Variants in TENM4 observed in about 807,000 individuals in gnomAD.
TENM4 encodes the protein teneurin-4.
TENM4 carries 82 observed loss-of-function variants against 243.3 expected under a neutral mutation model. The ratio of observed to expected loss-of-function variants is 0.34; its 90% CI spans 0.28 to 0.40. The LOEUF is 0.40. TENM4 is among the 10% of genes least tolerant of loss of function. The pLI, the probability that TENM4 is intolerant of heterozygous loss-of-function variation, is 1.00. For synonymous variants in TENM4, 1,412 were observed against 1,456.3 expected (o/e 0.97, Z 0.69); for missense variants, 3,138 against 3,673.3 (o/e 0.85, Z 3.77).
At chr11:79,260,352 A>G (rs950215299) in intron 2 of TENM4, among the ~76,000 whole-genome samples, 1 of 152,212 alleles carries the variant, frequency 6.6e-6, no homozygotes, top group Non-Finnish European at 1.5e-5. Flanking sequence ...ACATCTTATC[A>G]GCAGTATAGT....
intron 12 of TENM4, among the ~76,000 whole-genome samples, chr11:78,819,600 C>T (rs1036464571): frequency 3.9e-5 from 6 of 152,232 alleles, no homozygotes; most frequent in African/African-American, 7.2e-5. Flanking sequence ...TGTGGACGTG[C>T]GAGCTTGATG....
At chr11:79,080,639 A>G (rs986356101) in intron 4 of TENM4, among the ~76,000 whole-genome samples, 6 of 152,192 alleles carry the variant, frequency 3.9e-5, no homozygotes, top group Non-Finnish European at 7.3e-5. Context: ...ACTCAGTCCC[A>G]TGTGGCTTTC....
intron 1 of TENM4, among the ~76,000 whole-genome samples, chr11:79,347,089 C>T (rs1038376156): frequency 3.9e-5 from 6 of 152,316 alleles, no homozygotes; most frequent in Non-Finnish European, 7.3e-5. Context: ...ACTGTTCTTT[C>T]GCTTCCAAAA....
intron 20 of TENM4, among the ~76,000 whole-genome samples, chr11:78,733,129 G>A (rs1372398028): frequency 6.6e-6 from 1 of 152,196 alleles, no homozygotes; most frequent in African/African-American, 2.4e-5. Flanking sequence ...AATTGTGATA[G>A]ATTACTCAAC....
chr11:79,286,647 C>G (rs749897123), intron 2 of TENM4, among the ~76,000 whole-genome samples: 2 of 151,728 alleles, frequency 1.3e-5, no homozygotes, highest in African/African-American at 4.8e-5. Flanking sequence ...CCAGCCTGGG[C>G]AACAAGAGCG....
intron 1 of TENM4, among the ~76,000 whole-genome samples, chr11:79,334,889 T>A (rs1857123167): frequency 6.6e-6 from 1 of 152,080 alleles, no homozygotes; most frequent in Admixed American, 6.5e-5. Context: ...GATTAGTCAG[T>A]GATGTCACCA....
intron 15 of TENM4, among the ~76,000 whole-genome samples, chr11:78,788,259 T>C (rs1251963639): frequency 1.3e-5 from 2 of 152,214 alleles, no homozygotes; most frequent in African/African-American, 4.8e-5. Flanking sequence ...TACAAGACAA[T>C]GAATAAAATG....
At chr11:78,870,740 C>A (rs966307801) in intron 9 of TENM4, among the ~76,000 whole-genome samples, 7 of 152,042 alleles carry the variant, frequency 4.6e-5, no homozygotes, top group African/African-American at 1.7e-4. Context: ...GGAGTTGGTC[C>A]CGAGCCAGAG....
At chr11:79,069,500 G>A (rs959816401) in intron 5 of TENM4, among the ~76,000 whole-genome samples, 7 of 152,218 alleles carry the variant, frequency 4.6e-5, no homozygotes, top group Non-Finnish European at 7.3e-5. Context: ...TGCCAGGGAA[G>A]TGGGTGAGCG....
Position 78,769,383 on chromosome 11 carries a change from C to G in TENM4, c.2539+1609G>C, listed in dbSNP as rs151091476. Among the ~76,000 whole-genome samples, 122 of 152,298 alleles carry G rather than the reference C, an allele frequency of 8.0e-4. 2 individuals are homozygous for G. The highest frequency in any genetic ancestry group is 2.7e-3 in the African/African-American group (112 of 41,560). ...CCTTTCCGGGAAACCGCTACCCATC[C>G]AAGTGTCACCTTCTGATGAATGCTT... On this transcript the variant is annotated intron_variant, in intron 18 of 33. Transcript: ENST00000278550.
In TENM4 at chr11:78,826,295, C is replaced by T. The variant is rs999967206; in HGVS notation, c.1682-11900G>A. Reference sequence around the variant, plus strand: ...AGAGACGGTGTTTCACCATGTTGGTCAGGCTGGTCTTGAACTCCTGACCTT... The same window carrying T: ...AGAGACGGTGTTTCACCATGTTGGTTAGGCTGGTCTTGAACTCCTGACCTT... On this transcript the variant is annotated intron_variant, in intron 12 of 33. Coordinates refer to ENST00000278550, the MANE Select transcript of TENM4 (RefSeq NM_001098816.3). 3.3e-5 allele frequency among the ~76,000 whole-genome samples: 5 copies of T among 152,048 alleles called. No homozygotes were observed. In the East Asian group the frequency reaches 9.7e-4, roughly 29 times the overall value.
intron 18 of TENM4, among the ~76,000 whole-genome samples, chr11:78,764,693 T>C (rs555638053): frequency 4.6e-5 from 7 of 152,202 alleles, no homozygotes; most frequent in African/African-American, 1.7e-4. Flanking sequence ...TTAGTACCCA[T>C]TATGTGGCTG....
At chr11:79,386,450 A>G (rs1222652976) in intron 1 of TENM4, among the ~76,000 whole-genome samples, 1 of 152,218 alleles carries the variant, frequency 6.6e-6, no homozygotes, top group Non-Finnish European at 1.5e-5. Context: ...TCTTCACCAA[A>G]TGACACCACT....
intron 1 of TENM4, among the ~76,000 whole-genome samples, chr11:79,328,667 G>A (rs1242702062): frequency 6.6e-6 from 1 of 152,192 alleles, no homozygotes; most frequent in Non-Finnish European, 1.5e-5. Flanking sequence ...AAGCAACGAT[G>A]TGGTGGACGA....
At chr11:78,668,911 G>C in intron 32 of TENM4, 26 bp downstream of exon 32, 2 of 1,597,848 alleles carry the variant, frequency 1.3e-6, no homozygotes, top group Non-Finnish European at 1.7e-6. Flanking sequence ...ATGGGGTCCT[G>C]CCCCTGAGTG....
intron 1 of TENM4, among the ~76,000 whole-genome samples, chr11:79,437,479 C>G (rs1184927168): frequency 6.6e-6 from 1 of 152,126 alleles, no homozygotes; most frequent in Non-Finnish European, 1.5e-5. Context: ...TGGCCTGGAA[C>G]GCGGTCTTCT....
At chr11:78,698,233 C>T (rs905282849) in intron 28 of TENM4, among the ~76,000 whole-genome samples, 1 of 152,120 alleles carries the variant, frequency 6.6e-6, no homozygotes, top group Non-Finnish European at 1.5e-5. Context: ...GAAACCCCAT[C>T]TTTACTAAAA....
intron 4 of TENM4, among the ~76,000 whole-genome samples, chr11:79,120,074 T>A (rs762014815): frequency 2.6e-5 from 4 of 152,074 alleles, no homozygotes; most frequent in Non-Finnish European, 5.9e-5. Flanking sequence ...GAAGGAAGCA[T>A]CCACAGGCAT....
intron 7 of TENM4, among the ~76,000 whole-genome samples, chr11:78,896,798 G>C (rs1214451964): frequency 1.3e-5 from 2 of 152,100 alleles, no homozygotes; most frequent in Non-Finnish European, 2.9e-5. Context: ...GATGGACCCT[G>C]GTTCTGCCAC....
Sources: allele counts gnomAD v4.1 joint callset (sites outside exome capture counted in the v4.1 genomes callset), GRCh38; gene constraint gnomAD v4.1.1; transcripts MANE v1.5; gene names NCBI Gene and HGNC (gene_info 2026-07-23, HGNC 2026-07-21).